The following GARNL3 variants were observed in gnomAD, a reference collection of about 807,000 sequenced individuals.
GARNL3 encodes the protein GTPase activating Rap/RanGAP domain like 3, also known as GTPase-activating Rap/Ran-GAP domain-like protein 3.
A neutral mutation model predicts 125.0 loss-of-function variants in GARNL3; 63 were observed. That is an observed-to-expected ratio of 0.50 (90% CI 0.41 to 0.62). The LOEUF (loss-of-function observed/expected upper bound fraction) is 0.62, where lower values mean the gene tolerates loss of function less well. GARNL3 is among the 20% of genes least tolerant of loss of function. The probability of loss-of-function intolerance (pLI) is 0.00; values close to 1 mark genes in which losing one functional copy is unlikely to be tolerated. For synonymous variants in GARNL3, 439 were observed against 457.5 expected (o/e 0.96, Z 0.52); for missense variants, 994 against 1,244.0 (o/e 0.80, Z 3.02).
At chr9:127,241,769 GTTTT>G (rs1368079210) in intron 1 of GARNL3, among the ~76,000 whole-genome samples, 11 of 149,346 alleles carry the variant, frequency 7.4e-5, no homozygotes, top group South Asian at 2.1e-4. Context: ...TTGTTTGTTT[GTTTT>G]GTTTTGTTTT....
intron 1 of GARNL3, among the ~76,000 whole-genome samples, chr9:127,231,230 T>TTTG (rs1554887548): frequency 2.2e-5 from 3 of 135,136 alleles, no homozygotes; most frequent in African/African-American, 5.8e-5. Context: ...AATTTTTTGT[T>TTTG]TTTTTTTTTT....
At chr9:127,225,445 C>T (rs2062890593) in intron 1 of GARNL3, 2 of 818,750 alleles carry the variant, frequency 2.4e-6, no homozygotes, top group Non-Finnish European at 2.9e-6. Flanking sequence ...GGGGTGCCGG[C>T]CACGTGGGGG....
intron 2 of GARNL3, among the ~76,000 whole-genome samples, chr9:127,251,260 T>C (rs2131207735): frequency 6.6e-6 from 1 of 152,342 alleles, no homozygotes; most frequent in East Asian, 1.9e-4. Context: ...TGTCGTCTCC[T>C]ATAGTAAATG....
chr9:127,251,683 T>C (rs1396821077), intron 2 of GARNL3, among the ~76,000 whole-genome samples: 5 of 152,202 alleles, frequency 3.3e-5, no homozygotes, highest in Non-Finnish European at 5.9e-5. Context: ...TTCCACAGCA[T>C]TTATTTTTAT....
upstream of GARNL3, chr9:127,264,763 C>T (rs1336558572): frequency 3.9e-6 from 5 of 1,277,410 alleles, no homozygotes; most frequent in Non-Finnish European, 5.0e-6. Context: ...ATTGAGGGCT[C>T]CATGAAAGCC....
At chr9:127,282,672 G>T (rs2064134620) in intron 1 of GARNL3, among the ~76,000 whole-genome samples, 1 of 151,800 alleles carries the variant, frequency 6.6e-6, no homozygotes, top group South Asian at 2.1e-4. Context: ...ATCTTTTTGA[G>T]TTTTTTTTCT....
intron 1 of GARNL3, among the ~76,000 whole-genome samples, chr9:127,284,749 A>T (rs899176022): frequency 6.6e-6 from 1 of 151,172 alleles, no homozygotes; most frequent in Non-Finnish European, 1.5e-5. Flanking sequence ...AAGAATTTAT[A>T]TAAATATATG....
rs201363828 is a variant in GARNL3, at chr9:127,275,662, C to CA, written c.144+10648dup. Among the ~76,000 whole-genome samples, 1,334 of 152,128 alleles carry CA rather than the reference C, an allele frequency of 8.8e-3. 27 individuals are homozygous for CA. Among genetic ancestry groups the CA allele is most frequent in the African/African-American group, 0.03 (1,245 of 41,506 alleles). On this transcript the variant is annotated intron_variant, in intron 1 of 27. Coordinates refer to ENST00000373387, the MANE Select transcript of GARNL3 (RefSeq NM_032293.5). Reference sequence around the variant, plus strand: ...CACTAATCAAATTTAGGGAGTCATGCAAAAAAATCCAGTGTAGCTTGCCGT... The same window carrying CA: ...CACTAATCAAATTTAGGGAGTCATGCAAAAAAAATCCAGTGTAGCTTGCCGT...
chr9:127,250,367 A>G (rs1478274102), intron 2 of GARNL3, among the ~76,000 whole-genome samples: 1 of 152,220 alleles, frequency 6.6e-6, no homozygotes, highest in Non-Finnish European at 1.5e-5. Flanking sequence ...CAAAAGCAAC[A>G]TGGTGGTGGG....
At position 127,393,473 on chromosome 9, in the gene GARNL3, T is replaced by A. The variant is rs1333297752; in HGVS notation, c.*219T>A. On this transcript the variant is annotated 3_prime_UTR_variant, in exon 28 of 28. Coordinates refer to ENST00000373387, the MANE Select transcript of GARNL3 (RefSeq NM_032293.5). ...TCAGGAACCATCAGTCCCCTTGTAA[T>A]AAAGGTGGTAGATTTCATTGAGGTT... 2.8e-6 allele frequency: 1 copy of A among 363,146 alleles called. No individual in the cohort carries two copies. The highest frequency in any genetic ancestry group is 2.0e-5 in the African/African-American group (1 of 48,888). The allele number at this position is 363,146 out of a possible 1,614,324, so 22.5% of individuals were successfully genotyped here. A position where few individuals can be genotyped will look rare whatever the true frequency, so the allele number is the denominator to read the frequency against.
chr9:127,260,374 C>A (rs2063565140), upstream of GARNL3, among the ~76,000 whole-genome samples: 1 of 152,198 alleles, frequency 6.6e-6, no homozygotes, highest in Admixed American at 6.5e-5. Context: ...AACTGACTTA[C>A]AACCTCTCGG....
At chr9:127,373,232 G>T (rs1831703194) in intron 22 of GARNL3, among the ~76,000 whole-genome samples, 1 of 152,220 alleles carries the variant, frequency 6.6e-6, no homozygotes, top group South Asian at 2.1e-4. Context: ...CCTTCCTAGA[G>T]AACTGAAAAG....
intron 21 of GARNL3, among the ~76,000 whole-genome samples, chr9:127,359,857 A>G (rs1283699819): frequency 6.6e-6 from 1 of 152,114 alleles, no homozygotes; most frequent in Non-Finnish European, 1.5e-5. Context: ...TATGATTTGT[A>G]AAGACCCTGG....
At chr9:127,237,327 C>T (rs2063130385) in intron 1 of GARNL3, among the ~76,000 whole-genome samples, 1 of 152,212 alleles carries the variant, frequency 6.6e-6, no homozygotes, top group Non-Finnish European at 1.5e-5. Flanking sequence ...AACCATGATA[C>T]TCTTGTCACT....
chr9:127,328,796 G>A (rs2131550706), intron 7 of GARNL3, among the ~76,000 whole-genome samples: 1 of 152,264 alleles, frequency 6.6e-6, no homozygotes, highest in South Asian at 2.1e-4. Context: ...TTCCAAGAAT[G>A]TGACTGCCTG....
chr9:127,347,793 A>G (rs187169003), intron 16 of GARNL3, among the ~76,000 whole-genome samples: 11 of 152,180 alleles, frequency 7.2e-5, no homozygotes, highest in Admixed American at 6.5e-4. Flanking sequence ...CCTTTTTTCC[A>G]TTTACAAAAT....
chr9:127,248,027 T>G (rs1418219774), intron 2 of GARNL3, among the ~76,000 whole-genome samples: 1 of 152,194 alleles, frequency 6.6e-6, no homozygotes, highest in East Asian at 1.9e-4. Flanking sequence ...TGAAAACATG[T>G]GAAGTTTGTA....
intron 2 of GARNL3, among the ~76,000 whole-genome samples, chr9:127,297,022 A>G (rs2064620259): frequency 6.6e-6 from 1 of 152,100 alleles, no homozygotes; most frequent in South Asian, 2.1e-4. Context: ...CAAAGACCAA[A>G]TACGTATTCC....
At chr9:127,345,589 T>C (rs1830094135) in intron 16 of GARNL3, 112 bp downstream of exon 16, 1 of 663,162 alleles carries the variant, frequency 1.5e-6, no homozygotes, top group Admixed American at 3.2e-5. Context: ...GCATGTCTAC[T>C]GCAGAGTCCT....
Sources: gnomAD v4.1 joint callset for allele counts (sites outside exome capture counted in the v4.1 genomes callset) on GRCh38, gnomAD v4.1.1 for gene constraint, MANE v1.5 for transcripts, NCBI Gene and HGNC (gene_info 2026-07-23, HGNC 2026-07-21) for gene names.